Variants in KLHL1 observed in about 807,000 individuals in gnomAD.
KLHL1 encodes kelch-like protein 1.
KLHL1 carries 47 observed loss-of-function variants against 77.7 expected under a neutral mutation model. That is an observed-to-expected ratio of 0.60 (90% CI 0.48 to 0.77). KLHL1 has a LOEUF of 0.77. KLHL1 is among the 30% of genes least tolerant of loss of function. The pLI is 0.00. For missense variants in KLHL1, 925 were observed against 910.8 expected (o/e 1.02, Z -0.20); for synonymous variants, 360 against 325.2 (o/e 1.11, Z -1.15).
intron 1 of KLHL1, among the ~76,000 whole-genome samples, chr13:69,980,080 C>T (rs879381287): frequency 7.9e-5 from 12 of 152,166 alleles, no homozygotes; most frequent in Non-Finnish European, 1.6e-4. Context: ...TGAGAACTGA[C>T]CAACATGCTT....
intron 1 of KLHL1, among the ~76,000 whole-genome samples, chr13:70,005,761 T>C (rs899845853): frequency 6.6e-6 from 1 of 151,974 alleles, no homozygotes; most frequent in African/African-American, 2.4e-5. Context: ...CAAGAATAAA[T>C]ACATCGTTTT....
chr13:69,834,234 T>C (rs1037900792), intron 6 of KLHL1, among the ~76,000 whole-genome samples: 5 of 151,918 alleles, frequency 3.3e-5, no homozygotes, highest in Non-Finnish European at 7.4e-5. Context: ...CACAAACCTA[T>C]TGAAATTAAA....
chr13:69,901,797 T>A (rs868849366), intron 4 of KLHL1, among the ~76,000 whole-genome samples: 1,567 of 144,340 alleles, frequency 0.011, 16 homozygotes, highest in Middle Eastern at 0.045. Flanking sequence ...CTTTTTTTCT[T>A]TTTTTTTTTT....
At chr13:70,014,495 G>T (rs748637051) in intron 1 of KLHL1, among the ~76,000 whole-genome samples, 4 of 151,982 alleles carry the variant, frequency 2.6e-5, no homozygotes, top group African/African-American at 4.8e-5. Flanking sequence ...AGAGGGGAAA[G>T]AATATAGAAA....
At chr13:69,882,024 A>G (rs925583222) in intron 5 of KLHL1, among the ~76,000 whole-genome samples, 7 of 152,184 alleles carry the variant, frequency 4.6e-5, no homozygotes, top group Non-Finnish European at 8.8e-5. Context: ...TTTTATAAAG[A>G]GATTGAATAT....
chr13:70,015,094 G>A (rs1885625493), intron 1 of KLHL1, among the ~76,000 whole-genome samples: 1 of 152,230 alleles, frequency 6.6e-6, no homozygotes, highest in Admixed American at 6.5e-5. Flanking sequence ...AGTAGATTAT[G>A]TACAAACACA....
intron 1 of KLHL1, among the ~76,000 whole-genome samples, chr13:70,005,216 T>C: frequency 6.6e-6 from 1 of 151,910 alleles, no homozygotes; most frequent in East Asian, 1.9e-4. Context: ...TAAAATAAAT[T>C]AGTAAATTCA....
chr13:69,949,643 G>A (rs1883642875), intron 3 of KLHL1, among the ~76,000 whole-genome samples: 1 of 151,594 alleles, frequency 6.6e-6, no homozygotes, highest in South Asian at 2.1e-4. Flanking sequence ...CCATGACGGT[G>A]GAATAACTGG....
chr13:69,975,810 C>CCA lies in KLHL1; in HGVS notation c.498-10_498-9dup, dbSNP rs144583054. ...TGGCCGGTTGATGACAGCCTATAAA[C>CCA]CACACACACACACACACACACACAA... is the stretch of plus-strand genomic sequence containing the variant. On this transcript the variant is annotated splice_polypyrimidine_tract_variant and intron_variant, in intron 1 of 10. Coordinates refer to ENST00000377844, the MANE Select transcript of KLHL1 (RefSeq NM_020866.3). 25,861 of 1,504,780 alleles carry CCA rather than the reference C, an allele frequency of 0.017. 70 individuals are homozygous for CCA. The highest frequency in any genetic ancestry group is 0.019 in the Non-Finnish European group (21,430 of 1,107,404). The allele number at this position is 1,504,780 out of a possible 1,614,324, so 93.2% of individuals were successfully genotyped here. A position where few individuals can be genotyped will look rare whatever the true frequency, so the allele number is the denominator to read the frequency against.
chr13:70,075,588 TACACAC>T (rs772766804), intron 1 of KLHL1, among the ~76,000 whole-genome samples: 9 of 121,964 alleles, frequency 7.4e-5, no homozygotes, highest in Non-Finnish European at 1.3e-4. Context: ...TATATATATA[TACACAC>T]ACACACATAT....
At chr13:70,105,008 T>G (rs1349277803) in intron 1 of KLHL1, among the ~76,000 whole-genome samples, 1 of 152,056 alleles carries the variant, frequency 6.6e-6, no homozygotes, top group Non-Finnish European at 1.5e-5. Flanking sequence ...CAATTCTCTA[T>G]GAAAATTTAA....
At chr13:70,087,606 A>C (rs567637660) in intron 1 of KLHL1, among the ~76,000 whole-genome samples, 6 of 151,998 alleles carry the variant, frequency 3.9e-5, no homozygotes, top group African/African-American at 1.4e-4. Context: ...ACCAAACCCA[A>C]TGCTTTCTCT....
intron 3 of KLHL1, among the ~76,000 whole-genome samples, chr13:69,954,647 C>T (rs186749340): frequency 1.3e-5 from 2 of 151,382 alleles, no homozygotes; most frequent in East Asian, 3.9e-4. Flanking sequence ...CTTTTGCAGT[C>T]TCTCTATTAA....
chr13:70,041,584 T>C (rs1205198905), intron 1 of KLHL1, among the ~76,000 whole-genome samples: 2 of 152,066 alleles, frequency 1.3e-5, no homozygotes, highest in Non-Finnish European at 2.9e-5. Context: ...GAAGGGGTAG[T>C]GTAAGGTATA....
intron 4 of KLHL1, among the ~76,000 whole-genome samples, chr13:69,904,385 T>A (rs2138232705): frequency 6.6e-6 from 1 of 152,246 alleles, no homozygotes; most frequent in Non-Finnish European, 1.5e-5. Context: ...ATGGTGCAAA[T>A]CCCTCCTCAA....
chr13:69,742,854 A>C (rs777608998), intron 7 of KLHL1, among the ~76,000 whole-genome samples: 1 of 152,186 alleles, frequency 6.6e-6, no homozygotes, highest in Non-Finnish European at 1.5e-5. Flanking sequence ...TGACATAGGA[A>C]ATGGGGATTA....
chr13:69,721,104 A>G (rs1308694747), intron 8 of KLHL1, among the ~76,000 whole-genome samples: 1 of 57,442 alleles, frequency 1.7e-5, no homozygotes, highest in East Asian at 6.2e-4. Flanking sequence ...CCTTACAAGG[A>G]ATTTCCTTGT....
intron 3 of KLHL1, among the ~76,000 whole-genome samples, chr13:69,950,343 T>C (rs9542129): frequency 0.3 from 43,412 of 144,864 alleles, 6,740 homozygotes; most frequent in East Asian, 0.43. Flanking sequence ...GAACAAGGAA[T>C]TGTTTTCAGA....
intron 1 of KLHL1, among the ~76,000 whole-genome samples, chr13:69,998,489 A>T (rs1052796167): frequency 3.3e-5 from 5 of 152,208 alleles, no homozygotes; most frequent in African/African-American, 1.2e-4. Context: ...ATCTTAGAAT[A>T]TGTACATCCG....
Sources: gnomAD v4.1 joint callset for allele counts (sites outside exome capture counted in the v4.1 genomes callset) on GRCh38, gnomAD v4.1.1 for gene constraint, MANE v1.5 for transcripts, NCBI Gene and HGNC (gene_info 2026-07-23, HGNC 2026-07-21) for gene names.